The following MACROD2 variants were observed in gnomAD, a reference collection of about 807,000 sequenced individuals.
MACROD2 encodes the protein ADP-ribose glycohydrolase MACROD2.
Under a neutral mutation model 70.4 loss-of-function variants are expected in MACROD2, and 36 were observed. The observed-to-expected ratio is 0.51, with a 90% CI of 0.39 to 0.68. The LOEUF is 0.68. Ranked by LOEUF, MACROD2 falls within the 30% of genes least tolerant of loss-of-function variation. The pLI, the probability that MACROD2 is intolerant of heterozygous loss-of-function variation, is 0.00. For synonymous variants in MACROD2, 172 were observed against 178.8 expected (o/e 0.96, Z 0.30); for missense variants, 496 against 538.4 (o/e 0.92, Z 0.78).
At chr20:15,991,697 T>A (rs1414755777) in intron 15 of MACROD2, among the ~76,000 whole-genome samples, 1 of 152,200 alleles carries the variant, frequency 6.6e-6, no homozygotes, top group Non-Finnish European at 1.5e-5. Flanking sequence ...GAAGTCAAGT[T>A]TAGTAATACT....
intron 8 of MACROD2, among the ~76,000 whole-genome samples, chr20:15,534,510 C>A (rs1380290508): frequency 1.3e-5 from 2 of 152,152 alleles, no homozygotes; most frequent in East Asian, 3.8e-4. Context: ...CCCTCCCTTA[C>A]AGGCTCTTTC....
Position 15,538,729 on chromosome 20 carries a change from G to A in MACROD2, c.645+38882G>A, listed in dbSNP as rs572683882. 9.2e-5 allele frequency among the ~76,000 whole-genome samples: 14 copies of A among 152,158 alleles called. No homozygotes were observed. In the East Asian group the frequency reaches 2.7e-3, roughly 29 times the overall value. On this transcript the variant is annotated intron_variant, in intron 8 of 17. Coordinates refer to ENST00000684519, the MANE Select transcript of MACROD2 (RefSeq NM_001351661.2). ...ATGTGCATATTTTGAATGAGAGTAA[G>A]CAAAAACAATTGATTTTTTTGTAAA... is the stretch of plus-strand genomic sequence containing the variant.
chr20:14,442,230 A>G (rs575921268), intron 3 of MACROD2, among the ~76,000 whole-genome samples: 2 of 152,248 alleles, frequency 1.3e-5, no homozygotes, highest in East Asian at 3.9e-4. Flanking sequence ...AGATCCCACC[A>G]CTGCACTCTA....
intron 5 of MACROD2, among the ~76,000 whole-genome samples, chr20:14,883,419 C>T (rs2073633400): frequency 6.6e-6 from 1 of 152,050 alleles, no homozygotes; most frequent in South Asian, 2.1e-4. Flanking sequence ...CTGAAGTCTA[C>T]CTACATGGTT....
intron 5 of MACROD2, among the ~76,000 whole-genome samples, chr20:15,116,745 T>C (rs1000067193): frequency 9.9e-5 from 15 of 152,250 alleles, no homozygotes. Flanking sequence ...ATATAATACA[T>C]AACTGTATAC....
chr20:14,636,828 C>G (rs1030052656), intron 4 of MACROD2, among the ~76,000 whole-genome samples: 14 of 152,076 alleles, frequency 9.2e-5, no homozygotes, highest in African/African-American at 3.4e-4. Flanking sequence ...AGCTCCTGCT[C>G]TATTTGGGGA....
At chr20:15,743,977 A>G (rs1417578728) in intron 8 of MACROD2, among the ~76,000 whole-genome samples, 2 of 152,164 alleles carry the variant, frequency 1.3e-5, no homozygotes, top group Non-Finnish European at 2.9e-5. Flanking sequence ...TGTTGCCAGC[A>G]CACAAGAAGC....
chr20:15,628,554 C>T (rs1600687078), intron 8 of MACROD2, among the ~76,000 whole-genome samples: 1 of 152,220 alleles, frequency 6.6e-6, no homozygotes, highest in East Asian at 1.9e-4. Flanking sequence ...TACCCAAGAC[C>T]TAGTGGCTTA....
chr20:14,350,608 AT>A (rs1028262430), intron 3 of MACROD2, among the ~76,000 whole-genome samples: 6 of 151,958 alleles, frequency 3.9e-5, no homozygotes, highest in African/African-American at 1.2e-4. Context: ...TTGGATTAAT[AT>A]TTTTTTTCCT....
At chr20:15,556,874 T>A (rs1317757580) in intron 8 of MACROD2, among the ~76,000 whole-genome samples, 1 of 152,162 alleles carries the variant, frequency 6.6e-6, no homozygotes, top group Non-Finnish European at 1.5e-5. Context: ...AGTGTAAGAT[T>A]GATGTGTGTT....
intron 3 of MACROD2, among the ~76,000 whole-genome samples, chr20:14,278,608 T>A (rs1241777525): frequency 6.6e-6 from 1 of 152,178 alleles, no homozygotes; most frequent in African/African-American, 2.4e-5. Context: ...TAAAGAAATA[T>A]GTTTGCATAA....
chr20:14,298,652 A>T (rs150959179), intron 3 of MACROD2, among the ~76,000 whole-genome samples: 1 of 151,770 alleles, frequency 6.6e-6, no homozygotes, highest in Non-Finnish European at 1.5e-5. Flanking sequence ...GAGCAAAGTC[A>T]ATTGAAAACT....
At chr20:15,662,326 T>G (rs1203223034) in intron 8 of MACROD2, among the ~76,000 whole-genome samples, 1 of 152,204 alleles carries the variant, frequency 6.6e-6, no homozygotes, top group East Asian at 1.9e-4. Context: ...CTGAATTCAT[T>G]GGTAGCTATA....
intron 8 of MACROD2, among the ~76,000 whole-genome samples, chr20:15,566,837 A>G (rs2048316868): frequency 6.6e-6 from 1 of 152,200 alleles, no homozygotes; most frequent in African/African-American, 2.4e-5. Flanking sequence ...CCAATTATGC[A>G]GTAATTTACC....
Position 15,944,416 on chromosome 20 carries a change from G to T in MACROD2, c.907+6872G>T, listed in dbSNP as rs752405423. 2.7e-4 allele frequency among the ~76,000 whole-genome samples: 39 copies of T among 144,990 alleles called. No homozygotes were observed. The Admixed American group carries it at 2.7e-3, about 10-fold the overall frequency. On this transcript the variant is annotated intron_variant, in intron 12 of 17. Transcript: ENST00000684519. ...GCAACCTCATACATATATGGAAGGG[G>T]TTTTTTTAGGGTATTCTGCAATGCA... is the stretch of plus-strand genomic sequence containing the variant.
At chr20:14,037,543 A>G (rs1057482658) in intron 2 of MACROD2, among the ~76,000 whole-genome samples, 1 of 152,176 alleles carries the variant, frequency 6.6e-6, no homozygotes, top group Non-Finnish European at 1.5e-5. Flanking sequence ...TTGATTGAAG[A>G]CTATGCATTT....
rs185730585 is a variant in MACROD2 at position 15,846,885 on chromosome 20, G to T, written c.646-15860G>T. Among the ~76,000 whole-genome samples the T allele has an allele frequency of 5.2e-3, 685 of 132,106 alleles. 7 individuals carry two copies. The highest frequency in any genetic ancestry group is 0.016 in the Middle Eastern group (4 of 246). 86.7% of individuals were successfully genotyped at this position (132,106 alleles called of 152,430 possible). ...TAAAAACAAGGGCTTTTTCTAAAGT[G>T]GACCTTGACATAGTCAAAAAAAAAA... On this transcript the variant is annotated intron_variant, in intron 8 of 17. Coordinates refer to ENST00000684519, the MANE Select transcript of MACROD2 (RefSeq NM_001351661.2).
At chr20:15,539,738 A>G (rs762600876) in intron 8 of MACROD2, among the ~76,000 whole-genome samples, 3 of 152,242 alleles carry the variant, frequency 2.0e-5, no homozygotes, top group East Asian at 3.8e-4. Flanking sequence ...CTGTTATCCC[A>G]GCACTTTGGG....
Position 14,842,439 on chromosome 20 carries a change from G to A in MACROD2, c.418+157480G>A, listed in dbSNP as rs117525871. Among the ~76,000 whole-genome samples, 396 of 151,922 alleles carry A rather than the reference G, an allele frequency of 2.6e-3. 5 individuals are homozygous for A. The highest frequency in any genetic ancestry group is 3.5e-3 in the Non-Finnish European group (238 of 67,902). Reference sequence around the variant, plus strand: ...TTTCACTGAAACACTTACATGTAGAGGTATTTTCTTAAAATTGAGACCTGT... The same window carrying A: ...TTTCACTGAAACACTTACATGTAGAAGTATTTTCTTAAAATTGAGACCTGT... On this transcript the variant is annotated intron_variant, in intron 5 of 17. Transcript: ENST00000684519.
Sources: gnomAD v4.1 joint callset for allele counts (sites outside exome capture counted in the v4.1 genomes callset) on GRCh38, gnomAD v4.1.1 for gene constraint, MANE v1.5 for transcripts, NCBI Gene and HGNC (gene_info 2026-07-23, HGNC 2026-07-21) for gene names.